MCC: variants seen among roughly 807,000 people sequenced by gnomAD.
MCC encodes colorectal mutant cancer protein.
A neutral mutation model predicts 116.2 loss-of-function variants in MCC; 90 were observed. The ratio of observed to expected loss-of-function variants is 0.77; its 90% confidence interval spans 0.65 to 0.92. The LOEUF is 0.92. MCC is among the 40% of genes least tolerant of loss of function. MCC has a pLI of 0.00. For missense variants in MCC, 1,516 were observed against 1,312.2 expected (o/e 1.16, Z -2.40); for synonymous variants, 578 against 510.5 (o/e 1.13, Z -1.78).
At chr5:113,132,397 T>C (rs797020605) in intron 5 of MCC, among the ~76,000 whole-genome samples, 64 of 68,460 alleles carry the variant, frequency 9.3e-4, no homozygotes, top group Non-Finnish European at 2.1e-3. Flanking sequence ...CATATATATA[T>C]ACATACATAC....
chr5:113,416,127 C>T (rs1050187658), intron 1 of MCC, among the ~76,000 whole-genome samples: 6 of 152,188 alleles, frequency 3.9e-5, no homozygotes, highest in Admixed American at 1.3e-4. Context: ...AGAAATCACC[C>T]GTCTTCTGCA....
At chr5:113,471,557 T>C (rs575578441) in intron 1 of MCC, among the ~76,000 whole-genome samples, 1 of 152,136 alleles carries the variant, frequency 6.6e-6, no homozygotes, top group South Asian at 2.1e-4. Flanking sequence ...AGTACCTGGC[T>C]GTGTGAGGTG....
In MCC at chr5:113,081,838, T is replaced by C. The variant is rs137892786; in HGVS notation, c.1784+1022A>G. Among the ~76,000 whole-genome samples, 185 of 152,336 alleles carry C rather than the reference T, an allele frequency of 1.2e-3. 1 individual carries two copies. Among genetic ancestry groups the C allele is most frequent in the African/African-American group, 4.3e-3 (180 of 41,582 alleles). On this transcript the variant is annotated intron_variant, in intron 11 of 18. Coordinates refer to ENST00000408903, the MANE Select transcript of MCC (RefSeq NM_001085377.2). ...CAGCTTCAATCAGGCAGGACTAACA[T>C]GATAATTCAATTTATTCTGGTTTGC...
intron 3 of MCC, among the ~76,000 whole-genome samples, chr5:113,187,851 C>A (rs1299517263): frequency 5.3e-5 from 8 of 151,914 alleles, no homozygotes; most frequent in African/African-American, 1.7e-4. Flanking sequence ...TCTCACATCA[C>A]AAATGTGAGC....
At chr5:113,224,242 G>A (rs1050444202) in intron 3 of MCC, among the ~76,000 whole-genome samples, 1 of 151,966 alleles carries the variant, frequency 6.6e-6, no homozygotes, top group African/African-American at 2.4e-5. Context: ...TCAGGCACGC[G>A]CGACCACATC....
chr5:113,354,781 T>G (rs954123081), intron 2 of MCC, among the ~76,000 whole-genome samples: 2 of 75,704 alleles, frequency 2.6e-5, no homozygotes, highest in Non-Finnish European at 5.8e-5. Context: ...CCATATACCC[T>G]GTATTATTAT....
intron 3 of MCC, among the ~76,000 whole-genome samples, chr5:113,170,388 G>C (rs951226149): frequency 6.6e-6 from 1 of 152,202 alleles, no homozygotes; most frequent in Non-Finnish European, 1.5e-5. Flanking sequence ...AGGCAAGAAG[G>C]GACATTTCCA....
At chr5:113,249,933 T>G (rs535898384) in intron 3 of MCC, among the ~76,000 whole-genome samples, 1 of 152,136 alleles carries the variant, frequency 6.6e-6, no homozygotes, top group East Asian at 1.9e-4. Context: ...CTCTTCAGAC[T>G]CCAATGCACA....
At chr5:113,083,187 A>G (rs1412028878) in intron 10 of MCC, among the ~76,000 whole-genome samples, 179 bp from the exon 11 acceptor site, 1 of 149,596 alleles carries the variant, frequency 6.7e-6, no homozygotes, top group Non-Finnish European at 1.5e-5. Context: ...ATTAAATACT[A>G]TAAAAGCAGT....
chr5:113,144,851 C>A (rs1441174529), intron 4 of MCC, among the ~76,000 whole-genome samples: 1 of 152,158 alleles, frequency 6.6e-6, no homozygotes, highest in Non-Finnish European at 1.5e-5. Flanking sequence ...TTAGTGACAA[C>A]CTGAAACATC....
At chr5:113,343,717 T>C (rs1768066566) in intron 2 of MCC, among the ~76,000 whole-genome samples, 1 of 152,242 alleles carries the variant, frequency 6.6e-6, no homozygotes. Flanking sequence ...TGCTGAATTA[T>C]CCATGGTTGT....
intron 14 of MCC, among the ~76,000 whole-genome samples, chr5:113,055,006 C>G (rs1402992055): frequency 6.6e-6 from 1 of 152,198 alleles, no homozygotes; most frequent in Admixed American, 6.5e-5. Context: ...TTGCACTGGG[C>G]CTCCCTAGGG....
At chr5:113,450,767 G>A (rs943796931) in intron 1 of MCC, among the ~76,000 whole-genome samples, 1 of 152,190 alleles carries the variant, frequency 6.6e-6, no homozygotes, top group Middle Eastern at 3.2e-3. Context: ...TCTCCAGAGG[G>A]AACAGTTCTG....
At chr5:113,088,927 G>C (rs1019824903) in intron 8 of MCC, among the ~76,000 whole-genome samples, 2 of 152,104 alleles carry the variant, frequency 1.3e-5, no homozygotes, top group African/African-American at 4.8e-5. Context: ...GGGACTACAG[G>C]GGCATGCCAC....
intron 6 of MCC, among the ~76,000 whole-genome samples, chr5:113,117,491 T>C (rs377030947): frequency 9.4e-4 from 143 of 152,368 alleles, no homozygotes; most frequent in African/African-American, 3.4e-3. Context: ...CCTCAGGGTA[T>C]AATGGTTTGA....
chr5:113,150,932 T>C (rs1009854644), intron 4 of MCC, among the ~76,000 whole-genome samples: 2 of 152,108 alleles, frequency 1.3e-5, no homozygotes, highest in Non-Finnish European at 2.9e-5. Context: ...TAGTCCCAGC[T>C]ACTTGGGAGG....
intron 3 of MCC, among the ~76,000 whole-genome samples, chr5:113,202,722 C>T (rs1033552146): frequency 6.6e-6 from 1 of 151,210 alleles, no homozygotes; most frequent in Admixed American, 6.6e-5. Flanking sequence ...TCCCATTCCC[C>T]AGCTCCCCCA....
At chr5:113,459,284 A>T (rs1477917234) in intron 1 of MCC, among the ~76,000 whole-genome samples, 1 of 151,912 alleles carries the variant, frequency 6.6e-6, no homozygotes, top group African/African-American at 2.4e-5. Flanking sequence ...CTGTAATCCC[A>T]GCACTTTGGG....
intron 6 of MCC, among the ~76,000 whole-genome samples, chr5:113,106,597 A>G (rs1189969444): frequency 6.6e-6 from 1 of 152,156 alleles, no homozygotes; most frequent in Non-Finnish European, 1.5e-5. Flanking sequence ...CTGGAGTACA[A>G]TCCTGTGGAG....
Sources: allele counts gnomAD v4.1 joint callset (sites outside exome capture counted in the v4.1 genomes callset), GRCh38; gene constraint gnomAD v4.1.1; transcripts MANE v1.5; gene names NCBI Gene and HGNC (gene_info 2026-07-23, HGNC 2026-07-21).